The following TUBA4B variants were observed in gnomAD, a reference collection of about 807,000 sequenced individuals.
TUBA4B encodes tubulin-like protein alpha-4B.
TUBA4B carries 13 observed loss-of-function variants against 18.4 expected under a neutral mutation model. The ratio of observed to expected loss-of-function variants is 0.71; its 90% CI spans 0.46 to 1.12. The LOEUF (loss-of-function observed/expected upper bound fraction) is 1.12, where lower values mean the gene tolerates loss of function less well. Among genes scored for constraint, TUBA4B ranks in the 50% most tolerant of loss-of-function variants. TUBA4B has a pLI of 0.00. For synonymous variants in TUBA4B, 101 were observed against 99.1 expected, an observed-to-expected ratio of 1.02 and a Z score of -0.11; for missense variants, 244 against 250.0, an observed-to-expected ratio of 0.98 and a Z score of 0.16.
At chr2:219,267,651 GC>G (rs964714728) in intron 2 of TUBA4B, among the ~76,000 whole-genome samples, 7 of 149,986 alleles carry the variant, frequency 4.7e-5, no homozygotes, top group African/African-American at 7.4e-5. Context: ...TGCAACCTCT[GC>G]CTCCCGGGTT....
chr2:219,269,345 A>G (rs1179440623), intron 2 of TUBA4B, among the ~76,000 whole-genome samples: 1 of 152,100 alleles, frequency 6.6e-6, no homozygotes, highest in Non-Finnish European at 1.5e-5. Flanking sequence ...GATTCCTTCA[A>G]TGTTGCTCAT....
chr2:219,265,463 C>T (rs1574893080), intron 1 of TUBA4B, among the ~76,000 whole-genome samples: 2 of 152,036 alleles, frequency 1.3e-5, no homozygotes, highest in Admixed American at 6.5e-5. Flanking sequence ...ATGGTGAAAC[C>T]GTGTCTCTAC....
chr2:219,267,259 A>G (rs1217491681), intron 2 of TUBA4B, among the ~76,000 whole-genome samples: 1 of 152,200 alleles, frequency 6.6e-6, no homozygotes, highest in African/African-American at 2.4e-5. Flanking sequence ...CATGGCCTTG[A>G]GCAAGCTACT....
At chr2:219,268,488 T>C (rs1951805589) in intron 2 of TUBA4B, among the ~76,000 whole-genome samples, 2 of 152,230 alleles carry the variant, frequency 1.3e-5, no homozygotes, top group African/African-American at 4.8e-5. Flanking sequence ...TAGTGTGTGT[T>C]AGGCAGTGGG....
intron 1 of TUBA4B, among the ~76,000 whole-genome samples, chr2:219,261,348 GA>G (rs1333287526): frequency 1.3e-5 from 2 of 152,152 alleles, no homozygotes; most frequent in Non-Finnish European, 2.9e-5. Context: ...TTTATCAGGA[GA>G]AAAACCTTTC....
chr2:219,253,476 AC>A, intron 1 of TUBA4B, 57 bp downstream of exon 1: 3 of 1,346,420 alleles, frequency 2.2e-6, no homozygotes, highest in Non-Finnish European at 2.1e-6. Context: ...AGTGCTGAGG[AC>A]CAGGGACTGG....
intron 2 of TUBA4B, among the ~76,000 whole-genome samples, chr2:219,269,325 A>G (rs866547185): frequency 2.0e-5 from 3 of 152,122 alleles, no homozygotes; most frequent in Non-Finnish European, 2.9e-5. Context: ...TTGCACTTCT[A>G]GATTCATTCG....
chr2:219,269,662 T>C (rs1439426961), intron 2 of TUBA4B, among the ~76,000 whole-genome samples: 2 of 152,192 alleles, frequency 1.3e-5, no homozygotes, highest in African/African-American at 4.8e-5. Context: ...GGCAGGCCGG[T>C]GTGCAGTTGG....
At chr2:219,259,332 A>G (rs910407026) in intron 1 of TUBA4B, among the ~76,000 whole-genome samples, 1 of 149,712 alleles carries the variant, frequency 6.7e-6, no homozygotes, top group Non-Finnish European at 1.5e-5. Context: ...AAAAAAAAAA[A>G]AAAAAAAAGA....
At chr2:219,257,983 G>GGTTT (rs1951732689) in intron 1 of TUBA4B, among the ~76,000 whole-genome samples, 1 of 94,174 alleles carries the variant, frequency 1.1e-5, no homozygotes, top group Non-Finnish European at 2.0e-5. Context: ...CATTTTGGGT[G>GGTTT]TTTTTTTTTT....
Position 219,272,096 on chromosome 2 carries a change from C to A in TUBA4B, c.*397C>A. 1 of 1,035,530 alleles carries A rather than the reference C, an allele frequency of 9.7e-7. No homozygotes were observed. The highest frequency in any genetic ancestry group is 1.5e-6 in the Non-Finnish European group (1 of 663,058). The allele number at this position is 1,035,530 out of a possible 1,614,324, so 64.1% of individuals were successfully genotyped here. A position where few individuals can be genotyped will look rare whatever the true frequency, so the allele number is the denominator to read the frequency against. ...TGGAGAAGGATTACAAGGAGGTGGG[C>A]ATGGATAGTGTGGAGTGGGGGGAAG... On this transcript the variant is annotated 3_prime_UTR_variant, in exon 4 of 4. Transcript: ENST00000490341.
At position 219,253,322 on chromosome 2, in the gene TUBA4B, C is replaced by A; in HGVS notation, c.-86C>A. The A allele has an allele frequency of 6.5e-7, 1 of 1,528,398 alleles. No individual in the cohort carries two copies. The highest frequency in any genetic ancestry group is 8.7e-7 in the Non-Finnish European group (1 of 1,143,134). 94.7% of individuals were successfully genotyped at this position (1,528,398 alleles called of 1,614,324 possible). On this transcript the variant is annotated 5_prime_UTR_variant, in exon 1 of 4. Transcript: ENST00000490341. ...GGAGGCCGAACCCCGTTCCCACCAA[C>A]CCTCTCAGCTCAGACGCGGGGTGCT...
intron 2 of TUBA4B, among the ~76,000 whole-genome samples, chr2:219,268,145 G>T (rs1951802459): frequency 7.6e-6 from 1 of 131,172 alleles, no homozygotes; most frequent in South Asian, 2.3e-4. Flanking sequence ...GTCTCACTCT[G>T]TTGCCCTGGC....
At chr2:219,264,872 G>A (rs1365709638) in intron 1 of TUBA4B, among the ~76,000 whole-genome samples, 4 of 152,234 alleles carry the variant, frequency 2.6e-5, no homozygotes, top group South Asian at 2.1e-4. Context: ...GGCAACATGA[G>A]GGCCCATTTG....
In TUBA4B at chr2:219,271,553, T is replaced by A; in HGVS notation, c.580T>A (p.Phe194Ile). 1 of 1,614,120 alleles carries A rather than the reference T, an allele frequency of 6.2e-7. No homozygotes were observed. The highest frequency in any genetic ancestry group is 8.5e-7 in the Non-Finnish European group (1 of 1,180,018). The change falls in exon 4 of 4, where the codon TTC (phenylalanine) becomes ATC (isoleucine). Residue 194 changes from phenylalanine (F) to isoleucine (I), a missense_variant. By Grantham distance (21) the Phe-to-Ile change is conservative. Transcript: ENST00000490341. ...GGCCCTCAATGTGGACCTGACAGAG[T>A]TCCAGACCAACCTGGTGTCCTACCT... The part of the protein sequence containing the change: ...DGALNVDLTE[F>I]QTNLVSYLTS...
rs977179476 is a variant in TUBA4B at position 219,270,100 on chromosome 2, C to G, written c.59-102C>G. ...GCAGCCTGAATGCAGAACCTGGGACCCGGTGACCCCACTCCCTTCAGGTCC... is the reference window on the plus strand; with the variant it reads ...GCAGCCTGAATGCAGAACCTGGGACGCGGTGACCCCACTCCCTTCAGGTCC... On this transcript the variant is annotated intron_variant, in intron 2 of 3. Transcript: ENST00000490341. 21 of 643,568 alleles carry G rather than the reference C, an allele frequency of 3.3e-5. No homozygotes were observed. In the East Asian group the frequency reaches 5.7e-4, roughly 18 times the overall value. 39.9% of individuals were successfully genotyped at this position (643,568 alleles called of 1,614,324 possible).
chr2:219,262,361 T>G (rs1015188089), intron 1 of TUBA4B, among the ~76,000 whole-genome samples: 1 of 152,146 alleles, frequency 6.6e-6, no homozygotes, highest in Non-Finnish European at 1.5e-5. Flanking sequence ...TATCACCTTC[T>G]TATAGAGTGG....
In TUBA4B at chr2:219,253,463, G is replaced by C. The variant is rs1188884713; in HGVS notation, c.12+44G>C. 3 of 1,426,256 alleles carry C rather than the reference G, an allele frequency of 2.1e-6. No individual in the cohort carries two copies. The African/African-American group carries it at 4.2e-5, about 20-fold the overall frequency. The allele number at this position is 1,426,256 out of a possible 1,614,324, so 88.4% of individuals were successfully genotyped here. A position where few individuals can be genotyped will look rare whatever the true frequency, so the allele number is the denominator to read the frequency against. On this transcript the variant is annotated intron_variant, in intron 1 of 3. Transcript: ENST00000490341. ...CCTTCTAGCGCCAAGCACGTGCTCG[G>C]TCAGTGCTGAGGACCAGGGACTGGG...
chr2:219,269,249 T>C (rs1178887151), intron 2 of TUBA4B, among the ~76,000 whole-genome samples: 1 of 152,138 alleles, frequency 6.6e-6, no homozygotes, highest in Non-Finnish European at 1.5e-5. Flanking sequence ...ATCTTTGTAC[T>C]ATTTTCCCTT....
Sources: gnomAD v4.1 joint callset for allele counts (sites outside exome capture counted in the v4.1 genomes callset) on GRCh38, gnomAD v4.1.1 for gene constraint, MANE v1.5 for transcripts, NCBI Gene and HGNC (gene_info 2026-07-23, HGNC 2026-07-21) for gene names.